WDFY2: variants seen among roughly 807,000 people sequenced by gnomAD.
WDFY2 encodes WD repeat and FYVE domain containing 2.
A neutral mutation model predicts 56.4 loss-of-function variants in WDFY2; 36 were observed. The observed-to-expected ratio is 0.64, with a 90% CI of 0.49 to 0.84. The LOEUF (loss-of-function observed/expected upper bound fraction) is 0.84. Among genes scored for constraint, WDFY2 ranks in the 40% least tolerant of loss-of-function variants. The probability of loss-of-function intolerance (pLI) is 0.00; values close to 1 mark genes in which losing one functional copy is unlikely to be tolerated. For missense variants in WDFY2, 444 were observed against 512.2 expected, an observed-to-expected ratio of 0.87 and a Z score of 1.29; for synonymous variants, 176 against 183.7, an observed-to-expected ratio of 0.96 and a Z score of 0.34.
intron 3 of WDFY2, among the ~76,000 whole-genome samples, chr13:51,697,356 A>G (rs1951896533): frequency 6.6e-6 from 1 of 152,148 alleles, no homozygotes; most frequent in Admixed American, 6.6e-5. Flanking sequence ...AACAGACTGG[A>G]TGCAGTGACT....
At chr13:51,663,554 T>C (rs1271808152) in intron 2 of WDFY2, among the ~76,000 whole-genome samples, 1 of 152,224 alleles carries the variant, frequency 6.6e-6, no homozygotes, top group African/African-American at 2.4e-5. Flanking sequence ...CTAGGAATCT[T>C]ACGCATTCAG....
At chr13:51,591,615 T>A (rs1204235353) in intron 1 of WDFY2, 1 of 152,274 alleles carries the variant, frequency 6.6e-6, no homozygotes, top group Non-Finnish European at 1.5e-5. Flanking sequence ...ATCCTCTTAA[T>A]GTGACATGCA....
chr13:51,659,182 C>T (rs1016701358), intron 1 of WDFY2, among the ~76,000 whole-genome samples: 1 of 152,158 alleles, frequency 6.6e-6, no homozygotes, highest in Non-Finnish European at 1.5e-5. Flanking sequence ...CCACCTTGGC[C>T]TCCCAAGGTG....
Position 51,584,538 on chromosome 13 carries a change from G to T in WDFY2, c.-150G>T. On this transcript the variant is annotated 5_prime_UTR_variant, in exon 1 of 12. Coordinates refer to ENST00000298125, the MANE Select transcript of WDFY2 (RefSeq NM_052950.4). Reference sequence around the variant, plus strand: ...AGGGAGCGCGGAGTCGTTCCCGAGAGAGGCGGCCAGGCTATGCTCGCCGGT... The same window carrying T: ...AGGGAGCGCGGAGTCGTTCCCGAGATAGGCGGCCAGGCTATGCTCGCCGGT... 1 of 1,124,474 alleles carries T rather than the reference G, an allele frequency of 8.9e-7. No individual in the cohort carries two copies. Among genetic ancestry groups the T allele is most frequent in the Non-Finnish European group, 1.2e-6 (1 of 823,962 alleles). 69.7% of individuals were successfully genotyped at this position (1,124,474 alleles called of 1,614,324 possible).
chr13:51,752,235 A>G (rs1405726041), intron 8 of WDFY2, among the ~76,000 whole-genome samples: 1 of 152,242 alleles, frequency 6.6e-6, no homozygotes, highest in Non-Finnish European at 1.5e-5. Context: ...TTCAAATGCC[A>G]GTAATTATAT....
At chr13:51,653,225 G>A (rs189582996) in intron 1 of WDFY2, among the ~76,000 whole-genome samples, 30 of 152,260 alleles carry the variant, frequency 2.0e-4, no homozygotes, top group South Asian at 6.2e-4. Context: ...CATTTGTCAC[G>A]TAGTTCTCGT....
At position 51,626,947 on chromosome 13, in the gene WDFY2, G is replaced by A. The variant is rs146762549; in HGVS notation, c.138-33649G>A. Reference sequence around the variant, plus strand: ...CCCATACCTACCAAGGGCAAGCCAGGTGCAGAGTGGCAATGGGGGTGTGAG... The same window carrying A: ...CCCATACCTACCAAGGGCAAGCCAGATGCAGAGTGGCAATGGGGGTGTGAG... On this transcript the variant is annotated intron_variant, in intron 1 of 11. Transcript: ENST00000298125. 6.2e-4 allele frequency among the ~76,000 whole-genome samples: 95 copies of A among 152,316 alleles called. No individual in the cohort carries two copies. In the East Asian group the frequency reaches 0.016, roughly 26 times the overall value.
intron 1 of WDFY2, among the ~76,000 whole-genome samples, chr13:51,630,480 A>G (rs1382981547): frequency 9.5e-6 from 1 of 105,384 alleles, no homozygotes; most frequent in Non-Finnish European, 2.1e-5. Flanking sequence ...TTTTTTTTTT[A>G]TGTTTGGGTC....
chr13:51,584,643 C>A lies in WDFY2; in HGVS notation c.-45C>A, dbSNP rs1294491943. The A allele has an allele frequency of 6.3e-7, 1 of 1,586,004 alleles. No individual in the cohort carries two copies. The highest frequency in any genetic ancestry group is 1.3e-5 in the African/African-American group (1 of 74,600). ...TCCAGCAGTCTCCTCAGCCCGGCCCCGCGGCGCGGTTGGCGGCGGCGCCCC... is the reference window on the plus strand; with the variant it reads ...TCCAGCAGTCTCCTCAGCCCGGCCCAGCGGCGCGGTTGGCGGCGGCGCCCC... On this transcript the variant is annotated 5_prime_UTR_variant, in exon 1 of 12. Coordinates refer to ENST00000298125, the MANE Select transcript of WDFY2 (RefSeq NM_052950.4).
At chr13:51,606,412 T>A (rs1199428212) in intron 1 of WDFY2, among the ~76,000 whole-genome samples, 2 of 152,206 alleles carry the variant, frequency 1.3e-5, no homozygotes, top group Non-Finnish European at 2.9e-5. Context: ...TTGCTTTTTT[T>A]ATCTAAAGTG....
At chr13:51,669,789 A>G (rs1347603644) in intron 2 of WDFY2, among the ~76,000 whole-genome samples, 1 of 152,226 alleles carries the variant, frequency 6.6e-6, no homozygotes, top group African/African-American at 2.4e-5. Context: ...GATATATGTG[A>G]GAAGTCTTGG....
intron 8 of WDFY2, among the ~76,000 whole-genome samples, chr13:51,751,696 A>G (rs1953241600): frequency 1.3e-5 from 2 of 152,164 alleles, no homozygotes; most frequent in African/African-American, 4.8e-5. Context: ...GAAACCATCT[A>G]TTTCCTGGTG....
intron 8 of WDFY2, among the ~76,000 whole-genome samples, chr13:51,754,183 C>T (rs1953309832): frequency 2.0e-5 from 3 of 152,052 alleles, no homozygotes. Context: ...TGAGCTCTCC[C>T]ATCCTGCTGT....
intron 1 of WDFY2, among the ~76,000 whole-genome samples, chr13:51,605,440 A>G (rs879636933): frequency 6.6e-5 from 10 of 152,220 alleles, no homozygotes; most frequent in Admixed American, 2.0e-4. Flanking sequence ...AAGGGGCCTG[A>G]TAAGTGGTAA....
At chr13:51,675,345 G>T in intron 3 of WDFY2, 102 bp downstream of exon 3, 3 of 1,112,464 alleles carry the variant, frequency 2.7e-6, no homozygotes, top group South Asian at 1.4e-5. Flanking sequence ...GAATTTTCTT[G>T]CTAAGTAGAA....
At chr13:51,691,500 T>G (rs1956155149) in intron 3 of WDFY2, among the ~76,000 whole-genome samples, 1 of 151,302 alleles carries the variant, frequency 6.6e-6, no homozygotes, top group African/African-American at 2.4e-5. Flanking sequence ...AAAGATCAGA[T>G]AGTTGTAGAT....
chr13:51,713,958 CA>C (rs1952285867), intron 4 of WDFY2, among the ~76,000 whole-genome samples: 1 of 151,360 alleles, frequency 6.6e-6, no homozygotes, highest in Non-Finnish European at 1.5e-5. Context: ...TACCAAGGCC[CA>C]GGAGAGGGGG....
chr13:51,592,744 AT>A (rs1954074429), intron 1 of WDFY2, among the ~76,000 whole-genome samples: 2 of 152,172 alleles, frequency 1.3e-5, no homozygotes, highest in African/African-American at 4.8e-5. Context: ...TTAAATTATT[AT>A]CTCTTTTCCG....
chr13:51,587,361 C>T (rs1025588432), intron 1 of WDFY2: 1 of 152,174 alleles, frequency 6.6e-6, no homozygotes, highest in Non-Finnish European at 1.5e-5. Context: ...TAACATGGTA[C>T]CTGGCATGCA....
Sources: gnomAD v4.1 joint callset for allele counts (sites outside exome capture counted in the v4.1 genomes callset) on GRCh38, gnomAD v4.1.1 for gene constraint, MANE v1.5 for transcripts, NCBI Gene and HGNC (gene_info 2026-07-23, HGNC 2026-07-21) for gene names.